ARID1B: variants seen among roughly 807,000 people sequenced by gnomAD.
ARID1B encodes the protein AT-rich interactive domain-containing protein 1B.
A neutral mutation model predicts 212.3 loss-of-function variants in ARID1B; 30 were observed. That is an observed-to-expected ratio of 0.14 (90% CI 0.11 to 0.19). ARID1B has a LOEUF of 0.19. Among genes scored for constraint, ARID1B ranks in the 10% least tolerant of loss-of-function variants. ARID1B has a pLI of 1.00. For synonymous variants in ARID1B, 1,402 were observed against 1,301.7 expected (o/e 1.08, Z -1.66); for missense variants, 2,891 against 3,204.0 (o/e 0.90, Z 2.36).
At chr6:157,149,747 G>T (rs1039950484) in intron 8 of ARID1B, 1 of 152,182 alleles carries the variant, frequency 6.6e-6, no homozygotes, top group Non-Finnish European at 1.5e-5. Context: ...GTATCTTAAT[G>T]ATATCTTCAG....
chr6:156,982,332 A>G (rs1777653498), intron 4 of ARID1B, among the ~76,000 whole-genome samples: 1 of 151,480 alleles, frequency 6.6e-6, no homozygotes, highest in African/African-American at 2.4e-5. Context: ...ATTAGATGCC[A>G]TTGTGACGTT....
chr6:156,816,564 C>A (rs549378591), intron 1 of ARID1B, among the ~76,000 whole-genome samples: 1 of 152,254 alleles, frequency 6.6e-6, no homozygotes, highest in African/African-American at 2.4e-5. Flanking sequence ...AATTGAGTAT[C>A]TGTTAAATAA....
At chr6:156,805,502 G>A (rs984751913) in intron 1 of ARID1B, among the ~76,000 whole-genome samples, 14 of 152,104 alleles carry the variant, frequency 9.2e-5, no homozygotes, top group Non-Finnish European at 1.9e-4. Flanking sequence ...AAACCTAGCA[G>A]GTTTACACTT....
intron 5 of ARID1B, among the ~76,000 whole-genome samples, chr6:157,086,080 G>C (rs999743596): frequency 5.3e-5 from 8 of 152,118 alleles, no homozygotes; most frequent in Non-Finnish European, 1.0e-4. Flanking sequence ...CATCCAATAT[G>C]AGACACTTTT....
At chr6:156,946,904 T>C (rs1018131382) in intron 4 of ARID1B, among the ~76,000 whole-genome samples, 3 of 152,238 alleles carry the variant, frequency 2.0e-5, no homozygotes, top group Non-Finnish European at 4.4e-5. Context: ...TCATCTTTGC[T>C]ACTAAAGCCT....
intron 3 of ARID1B, among the ~76,000 whole-genome samples, chr6:156,926,415 A>C (rs1791220646): frequency 6.6e-6 from 1 of 152,192 alleles, no homozygotes; most frequent in Non-Finnish European, 1.5e-5. Flanking sequence ...GTTAATGCTT[A>C]ATGTATGTTC....
intron 4 of ARID1B, among the ~76,000 whole-genome samples, chr6:156,982,328 T>C (rs1447216223): frequency 6.6e-6 from 1 of 152,166 alleles, no homozygotes; most frequent in African/African-American, 2.4e-5. Flanking sequence ...AGAAATTAGA[T>C]GCCATTGTGA....
chr6:157,092,994 C>T (rs1452604547), intron 5 of ARID1B, among the ~76,000 whole-genome samples: 1 of 152,168 alleles, frequency 6.6e-6, no homozygotes, highest in Non-Finnish European at 1.5e-5. Flanking sequence ...CTGCTCTGAA[C>T]CTCTGCTCAG....
At chr6:157,135,796 T>C (rs1788863193) in intron 7 of ARID1B, among the ~76,000 whole-genome samples, 1 of 152,226 alleles carries the variant, frequency 6.6e-6, no homozygotes, top group African/African-American at 2.4e-5. Context: ...TTTTTTTCTT[T>C]CTCCTCTTGA....
chr6:157,027,023 T>C (rs1247563527), intron 4 of ARID1B, among the ~76,000 whole-genome samples: 1 of 152,190 alleles, frequency 6.6e-6, no homozygotes, highest in Non-Finnish European at 1.5e-5. Flanking sequence ...TATTAAGCAA[T>C]TTATGTGAGA....
In ARID1B at chr6:156,778,826, G is replaced by A. The variant is rs1232786648; in HGVS notation, c.1146G>A (p.Pro382=). 3.5e-6 allele frequency: 5 copies of A among 1,444,552 alleles called. No individual in the cohort carries two copies. Among genetic ancestry groups the A allele is most frequent in the Admixed American group, 2.6e-5 (1 of 38,466 alleles). 89.5% of individuals were successfully genotyped at this position (1,444,552 alleles called of 1,614,324 possible). A position where few individuals can be genotyped will look rare whatever the true frequency, so the allele number is the denominator to read the frequency against. ...GYPNSQCNHY[P]GYSRPGAGGG... ...CCAACAGCCAGTGCAACCATTATCC[G>A]GGCTACAGCCGGCCCGGCGCGGGCG... The change falls in exon 1 of 20, where the codon CCG becomes CCA. Residue 382 remains proline (P), a synonymous_variant. Transcript: ENST00000636930.
intron 3 of ARID1B, among the ~76,000 whole-genome samples, chr6:156,922,805 G>A (rs920195161): frequency 1.3e-5 from 2 of 152,114 alleles, no homozygotes; most frequent in Admixed American, 6.5e-5. Flanking sequence ...GTATTCTCAG[G>A]GGAGTGTTCA....
chr6:157,019,946 T>A (rs1164078528), intron 4 of ARID1B, among the ~76,000 whole-genome samples: 3 of 152,230 alleles, frequency 2.0e-5, no homozygotes, highest in African/African-American at 7.2e-5. Context: ...AGCCATTATG[T>A]TTCTAGAGCT....
At chr6:157,105,309 C>T (rs1480104488) in intron 5 of ARID1B, among the ~76,000 whole-genome samples, 3 of 152,004 alleles carry the variant, frequency 2.0e-5, no homozygotes, top group Non-Finnish European at 4.4e-5. Context: ...AAAATAAAGA[C>T]TGATAAATTT....
chr6:156,906,663 T>C (rs1181506524), intron 3 of ARID1B, among the ~76,000 whole-genome samples: 1 of 151,844 alleles, frequency 6.6e-6, no homozygotes, highest in Admixed American at 6.6e-5. Flanking sequence ...TCGGGCACTG[T>C]TGCTGTGCTG....
rs144575298 is a variant in ARID1B at position 157,055,574 on chromosome 6, A to G, written c.2248-29088A>G. Among the ~76,000 whole-genome samples, 205 of 152,352 alleles carry G rather than the reference A, an allele frequency of 1.3e-3. 1 individual carries two copies. The highest frequency in any genetic ancestry group is 4.7e-3 in the African/African-American group (194 of 41,588). Reference sequence around the variant, plus strand: ...CAAAAAGGAAAATTTGAAAATTCTTACAGATCTCCTCTGGTGAGATTTGAA... The same window carrying G: ...CAAAAAGGAAAATTTGAAAATTCTTGCAGATCTCCTCTGGTGAGATTTGAA... On this transcript the variant is annotated intron_variant, in intron 4 of 19. Transcript: ENST00000636930.
intron 15 of ARID1B, chr6:157,194,720 G>A (rs774013850): frequency 1.3e-5 from 2 of 152,010 alleles, no homozygotes; most frequent in South Asian, 2.1e-4. Flanking sequence ...TGAATGTTAA[G>A]GTTTTCACCT....
intron 2 of ARID1B, among the ~76,000 whole-genome samples, chr6:156,882,181 T>A (rs1787151560): frequency 6.6e-6 from 1 of 152,126 alleles, no homozygotes; most frequent in South Asian, 2.1e-4. Flanking sequence ...TCTTCTCTGC[T>A]AGTTGAAAGG....
intron 5 of ARID1B, among the ~76,000 whole-genome samples, chr6:157,097,406 ATGCCCATTGAT>A: frequency 6.6e-6 from 1 of 152,270 alleles, no homozygotes; most frequent in Middle Eastern, 3.4e-3. Flanking sequence ...CAGCATAAAG[ATGCCCATTGAT>A]TGACCACGTG....
Sources: allele counts gnomAD v4.1 joint callset (sites outside exome capture counted in the v4.1 genomes callset), GRCh38; gene constraint gnomAD v4.1.1; transcripts MANE v1.5; gene names NCBI Gene and HGNC (gene_info 2026-07-23, HGNC 2026-07-21).